Variants in PLB1 observed in about 807,000 individuals in gnomAD.
PLB1 encodes phospholipase B1, membrane-associated.
In PLB1, 242 loss-of-function variants were observed where a neutral mutation model predicts 227.4. The observed-to-expected ratio is 1.06, with a 90% confidence interval of 0.96 to 1.18. The LOEUF (loss-of-function observed/expected upper bound fraction) is 1.18, where lower values mean the gene tolerates loss of function less well. Ranked by LOEUF, PLB1 falls within the 50% of genes most tolerant of loss-of-function variation. PLB1 has a pLI of 0.00. For missense variants in PLB1, 1,858 were observed against 1,816.3 expected (o/e 1.02, Z -0.42); for synonymous variants, 757 against 682.2 (o/e 1.11, Z -1.71).
At chr2:28,622,007 C>T (rs1339058155) in intron 49 of PLB1, among the ~76,000 whole-genome samples, 1 of 152,180 alleles carries the variant, frequency 6.6e-6, no homozygotes, top group African/African-American at 2.4e-5. Context: ...CTGCTCAGCT[C>T]CTCTGCCAGA....
At chr2:28,586,715 T>G (rs573254880) in intron 26 of PLB1, among the ~76,000 whole-genome samples, 1 of 152,296 alleles carries the variant, frequency 6.6e-6, no homozygotes, top group East Asian at 1.9e-4. Flanking sequence ...ACTCCCTAGC[T>G]GGACTTCCTT....
At chr2:28,641,885 G>A (rs973062638) in intron 57 of PLB1, among the ~76,000 whole-genome samples, 2 of 152,094 alleles carry the variant, frequency 1.3e-5, no homozygotes, top group Middle Eastern at 3.4e-3. Flanking sequence ...TGAAATCCTT[G>A]CCTGATCCCT....
At chr2:28,559,393 A>G (rs1675672229) in intron 17 of PLB1, among the ~76,000 whole-genome samples, 1 of 152,138 alleles carries the variant, frequency 6.6e-6, no homozygotes, top group Admixed American at 6.5e-5. Context: ...CCGCTGCTCT[A>G]TATGTTTTGC....
rs562933212 is a variant in PLB1 at position 28,539,165 on chromosome 2, G to C, written c.685G>C (p.Gly229Arg). 2 of 1,613,450 alleles carry C rather than the reference G, an allele frequency of 1.2e-6. No individual in the cohort carries two copies. Among genetic ancestry groups the C allele is most frequent in the Non-Finnish European group, 1.7e-6 (2 of 1,179,470 alleles). Residue 229 changes from glycine (G) to arginine (R), a missense_variant, in exon 11 of 58, where the codon GGC becomes CGC. Physicochemically the swap from Gly to Arg is moderately radical, Grantham distance 125. Transcript: ENST00000327757. The stretch of plus-strand genomic sequence containing the variant: ...TGCAGAGGTCTCTCGTCAGTATCAC[G>C]GCACTTGGCTCAGGTAAAAGGGGAA... ...EVAEVSRQYH[G>R]TWLSPAPEPC... is the part of the protein sequence containing the mutation.
intron 1 of PLB1, among the ~76,000 whole-genome samples, chr2:28,499,737 T>A (rs2148152224): frequency 6.6e-6 from 1 of 152,176 alleles, no homozygotes; most frequent in East Asian, 1.9e-4. Context: ...ATACAAAAAT[T>A]AGCCAGACGT....
intron 20 of PLB1, among the ~76,000 whole-genome samples, chr2:28,567,498 A>T (rs1573021377): frequency 9.6e-6 from 1 of 103,684 alleles, no homozygotes. Context: ...TTTGAGATGG[A>T]GTCTCACTCT....
chr2:28,608,583 C>A (rs1172750378), intron 43 of PLB1, among the ~76,000 whole-genome samples: 6 of 152,320 alleles, frequency 3.9e-5, no homozygotes, highest in South Asian at 2.1e-4. Context: ...TGGACAAATT[C>A]TTTTACAGAC....
chr2:28,598,662 G>T lies in PLB1; in HGVS notation c.2376G>T (p.Arg792=), dbSNP rs1461070327. The T allele has an allele frequency of 6.2e-7, 1 of 1,613,614 alleles. No homozygotes were observed. The highest frequency in any genetic ancestry group is 8.5e-7 in the Non-Finnish European group (1 of 1,179,504). The part of the protein sequence containing the change: ...ENVTTLPNIL[R]EFNRNLTGYA... ...CACCTTCTCTTCCAGATATCCTTCG[G>T]GAGTTTAACAGAAACCTCACAGGCT... The change falls in exon 35 of 58, where the codon CGG becomes CGT. Residue 792 remains arginine, a synonymous_variant. Transcript: ENST00000327757.
chr2:28,630,629 A>G lies in PLB1; in HGVS notation c.3862A>G (p.Lys1288Glu), dbSNP rs1688484698. 2 of 1,613,642 alleles carry G rather than the reference A, an allele frequency of 1.2e-6. No individual in the cohort carries two copies. The highest frequency in any genetic ancestry group is 1.7e-6 in the Non-Finnish European group (2 of 1,179,798). Reference protein sequence around the residue: ...CLRHSQSSLEKQELKKVNWNL... With the variant: ...CLRHSQSSLEEQELKKVNWNL... ...CAGACACTCGCAAAGCTCCCTGGAG[A>G]AGCAAGAACTGAAGAAAGTGAACTG... The change falls in exon 54 of 58, where the codon AAG becomes GAG. Residue 1288 changes from lysine (K) to glutamate (E), a missense_variant. Physicochemically the swap from Lys to Glu is moderately conservative, Grantham distance 56. Transcript: ENST00000327757.
In PLB1 at chr2:28,524,887, G is replaced by A. The variant is rs1341657433; in HGVS notation, c.244-380G>A. 2.2e-5 allele frequency among the ~76,000 whole-genome samples: 3 copies of A among 139,388 alleles called. No homozygotes were observed. In the East Asian group the frequency reaches 6.3e-4, roughly 29 times the overall value. The allele number at this position is 139,388 out of a possible 152,430, so 91.4% of individuals were successfully genotyped here. ...TTTTGAGACAGTGTCTCATTCTATGGCCCAGGCTGGAGTGCAGTGGCACCA... is the reference window on the plus strand; with the variant it reads ...TTTTGAGACAGTGTCTCATTCTATGACCCAGGCTGGAGTGCAGTGGCACCA... On this transcript the variant is annotated intron_variant, in intron 4 of 57. Transcript: ENST00000327757.
At chr2:28,625,129 C>T (rs1687572051) in intron 50 of PLB1, 21 bp downstream of exon 50, 1 of 1,607,890 alleles carries the variant, frequency 6.2e-7, no homozygotes, top group Non-Finnish European at 8.5e-7. Flanking sequence ...GCCCCCAGGC[C>T]ACCCCTGAAA....
At chr2:28,640,755 C>T (rs932850393) in intron 56 of PLB1, among the ~76,000 whole-genome samples, 172 bp from the exon 57 acceptor site, 6 of 152,192 alleles carry the variant, frequency 3.9e-5, no homozygotes, top group South Asian at 2.1e-4. Flanking sequence ...AGTCAACTCC[C>T]GCTCAGCCCC....
At chr2:28,541,848 G>A (rs191530674) in intron 13 of PLB1, 37 bp downstream of exon 13, 3 of 1,528,354 alleles carry the variant, frequency 2.0e-6, no homozygotes, top group Non-Finnish European at 2.7e-6. Context: ...AGAGTGTGGT[G>A]GGGGCCGGGC....
intron 51 of PLB1, among the ~76,000 whole-genome samples, chr2:28,627,555 C>T (rs1037008885): frequency 4.6e-5 from 7 of 152,310 alleles, no homozygotes; most frequent in Admixed American, 6.5e-5. Context: ...CTGGGAGACA[C>T]GAGGTCCCCT....
intron 17 of PLB1, among the ~76,000 whole-genome samples, chr2:28,556,380 A>G (rs1675121769): frequency 6.6e-6 from 1 of 152,238 alleles, no homozygotes; most frequent in Admixed American, 6.5e-5. Flanking sequence ...ACGGGGCCCT[A>G]GGATGAGATA....
intron 47 of PLB1, 43 bp downstream of exon 47, chr2:28,620,375 CAGAG>C: frequency 6.5e-7 from 1 of 1,529,420 alleles, no homozygotes; most frequent in Non-Finnish European, 8.9e-7. Context: ...GATGCTCTCT[CAGAG>C]AGGTGTGAGT....
chr2:28,607,048 GC>G (rs760840680), intron 43 of PLB1, among the ~76,000 whole-genome samples: 9 of 152,282 alleles, frequency 5.9e-5, no homozygotes, highest in South Asian at 4.1e-4. Flanking sequence ...AAAGGGCAGA[GC>G]CCAGAGCTGT....
At chr2:28,499,936 A>G (rs993077367) in intron 1 of PLB1, among the ~76,000 whole-genome samples, 1 of 152,124 alleles carries the variant, frequency 6.6e-6, no homozygotes, top group Non-Finnish European at 1.5e-5. Flanking sequence ...CTGTTTGCTA[A>G]TGGCTTTTTT....
Position 28,593,774 on chromosome 2 carries a change from TCTCCCAGCGTTCCCCCCA to T in PLB1, c.2321+22_2321+39del. On this transcript the variant is annotated intron_variant, in intron 33 of 57. Transcript: ENST00000327757. ...ATACAGGTAATGTTAACCTTTGACCTCTCCCAGCGTTCCCCCCACAACAGAGATTAGGTGTGGCTTTGT... is the reference window on the plus strand; with the variant it reads ...ATACAGGTAATGTTAACCTTTGACCTCAACAGAGATTAGGTGTGGCTTTGT... 1 of 1,600,624 alleles carries T rather than the reference TCTCCCAGCGTTCCCCCCA, an allele frequency of 6.2e-7. No homozygotes were observed. Among genetic ancestry groups the T allele is most frequent in the Non-Finnish European group, 8.6e-7 (1 of 1,168,502 alleles).
Sources: allele counts gnomAD v4.1 joint callset (sites outside exome capture counted in the v4.1 genomes callset), GRCh38; gene constraint gnomAD v4.1.1; transcripts MANE v1.5; gene names NCBI Gene and HGNC (gene_info 2026-07-23, HGNC 2026-07-21).